Variants in GALNTL6 observed in about 807,000 individuals in gnomAD.
GALNTL6 encodes the protein polypeptide N-acetylgalactosaminyltransferase-like 6.
Under a neutral mutation model 73.7 loss-of-function variants are expected in GALNTL6, and 46 were observed. The ratio of observed to expected loss-of-function variants is 0.62; its 90% CI spans 0.49 to 0.80. The LOEUF is 0.80. GALNTL6 is among the 30% of genes least tolerant of loss of function. GALNTL6 has a pLI of 0.00. For missense variants in GALNTL6, 604 were observed against 755.0 expected (o/e 0.80, Z 2.34); for synonymous variants, 259 against 263.7 (o/e 0.98, Z 0.17).
chr4:172,334,090 C>T (rs559206894), intron 4 of GALNTL6, among the ~76,000 whole-genome samples: 9 of 152,226 alleles, frequency 5.9e-5, no homozygotes, highest in East Asian at 1.9e-4. Context: ...GTATGGGTTA[C>T]GATACCTTGG....
intron 5 of GALNTL6, among the ~76,000 whole-genome samples, chr4:172,640,819 A>G (rs562276678): frequency 6.6e-6 from 1 of 152,220 alleles, no homozygotes; most frequent in Non-Finnish European, 1.5e-5. Flanking sequence ...TGGGGAAGAC[A>G]CAATTCAGGC....
chr4:172,809,481 G>A lies in GALNTL6; in HGVS notation c.674G>A (p.Gly225Glu). The stretch of plus-strand genomic sequence containing the variant: ...CTCCTGGGGGCATCTATGGCCAGAG[G>A]AGAAGTCCTGACATTCCTGGACTCC... ...TRLLGASMAR[G>E]EVLTFLDSHC... The change falls in exon 6 of 13, where the codon GGA becomes GAA. Residue 225 changes from glycine (G) to glutamate (E), a missense_variant. By Grantham distance (98) the Gly-to-Glu change is moderately conservative (BLOSUM62 -2). This residue lies in a region of GALNTL6 where 179 missense variants were observed against 230.8 expected (regional missense o/e 0.78). Transcript: ENST00000506823. This position sits in a 1 kb window ranked among gnomAD's most constrained non-coding sequence, Gnocchi z 4.4. The A allele has an allele frequency of 6.2e-7, 1 of 1,613,872 alleles. No homozygotes were observed. Among genetic ancestry groups the A allele is most frequent in the Non-Finnish European group, 8.5e-7 (1 of 1,179,858 alleles).
intron 4 of GALNTL6, among the ~76,000 whole-genome samples, chr4:172,338,634 A>G (rs574214874): frequency 1.3e-5 from 2 of 152,322 alleles, no homozygotes; most frequent in South Asian, 4.1e-4. Flanking sequence ...GCTGTGGCCA[A>G]TGTGGCTGGG....
chr4:171,990,017 T>C (rs920269212), intron 2 of GALNTL6, among the ~76,000 whole-genome samples: 1 of 152,094 alleles, frequency 6.6e-6, no homozygotes, highest in African/African-American at 2.4e-5. Flanking sequence ...AACAGTAAGC[T>C]GGACCAGGTG....
intron 12 of GALNTL6, among the ~76,000 whole-genome samples, chr4:173,023,633 G>A (rs1753107446): frequency 6.6e-6 from 1 of 151,950 alleles, no homozygotes; most frequent in Non-Finnish European, 1.5e-5. Context: ...CTGCACTCCA[G>A]CCTGGGCGAC....
intron 5 of GALNTL6, among the ~76,000 whole-genome samples, chr4:172,468,801 T>C (rs1025300895): frequency 6.6e-6 from 1 of 152,172 alleles, no homozygotes; most frequent in Non-Finnish European, 1.5e-5. Flanking sequence ...ATGGTCTTGG[T>C]ATTTGTGCAA....
At chr4:172,102,639 C>T (rs2110963120) in intron 2 of GALNTL6, among the ~76,000 whole-genome samples, 1 of 152,306 alleles carries the variant, frequency 6.6e-6, no homozygotes, top group African/African-American at 2.4e-5. Context: ...TGCCATGTGT[C>T]AGCTAAAGCA....
intron 5 of GALNTL6, among the ~76,000 whole-genome samples, chr4:172,574,225 G>A (rs1254720657): frequency 6.6e-6 from 1 of 152,002 alleles, no homozygotes; most frequent in African/African-American, 2.4e-5. Context: ...AAACACAAAA[G>A]CAACTAATGC....
chr4:172,446,390 G>A (rs975318901), intron 5 of GALNTL6, among the ~76,000 whole-genome samples: 1 of 152,038 alleles, frequency 6.6e-6, no homozygotes, highest in South Asian at 2.1e-4. Context: ...CAGACAAGAG[G>A]CATTTGAAAC....
intron 5 of GALNTL6, among the ~76,000 whole-genome samples, chr4:172,448,007 T>G (rs746912450): frequency 2.0e-4 from 30 of 152,206 alleles, no homozygotes; most frequent in Non-Finnish European, 4.3e-4. Context: ...CAAGGTAGGA[T>G]TTAAAAATTG....
intron 5 of GALNTL6, among the ~76,000 whole-genome samples, chr4:172,623,564 A>G (rs1408314816): frequency 6.6e-6 from 1 of 152,160 alleles, no homozygotes; most frequent in Non-Finnish European, 1.5e-5. Flanking sequence ...TACCTACTAA[A>G]AAGAACCAAG....
chr4:172,149,090 A>C (rs1275713238), intron 2 of GALNTL6, among the ~76,000 whole-genome samples: 1 of 152,250 alleles, frequency 6.6e-6, no homozygotes, highest in East Asian at 1.9e-4. Flanking sequence ...AGAAAGCATC[A>C]GTTTATATTA....
chr4:172,621,014 C>G (rs1404433791), intron 5 of GALNTL6, among the ~76,000 whole-genome samples: 1 of 152,046 alleles, frequency 6.6e-6, no homozygotes, highest in African/African-American at 2.4e-5. Flanking sequence ...AATAAGATGC[C>G]CTCTGTCAGG....
intron 5 of GALNTL6, among the ~76,000 whole-genome samples, chr4:172,395,787 T>C (rs1356624189): frequency 6.6e-6 from 1 of 152,152 alleles, no homozygotes; most frequent in Non-Finnish European, 1.5e-5. Flanking sequence ...CAAAAATTAG[T>C]TTCAAAAATT....
intron 2 of GALNTL6, among the ~76,000 whole-genome samples, chr4:171,982,339 C>T (rs996400860): frequency 5.9e-5 from 9 of 152,196 alleles, no homozygotes; most frequent in Non-Finnish European, 1.2e-4. Context: ...GCTCTGTCAC[C>T]CAGGCTGGAG....
chr4:172,053,813 G>C (rs1251513725), intron 2 of GALNTL6, among the ~76,000 whole-genome samples: 1 of 151,884 alleles, frequency 6.6e-6, no homozygotes, highest in East Asian at 1.9e-4. Flanking sequence ...TTTTTTACAT[G>C]AATGGGTCCC....
intron 9 of GALNTL6, among the ~76,000 whole-genome samples, chr4:172,949,557 T>A (rs1182035815): frequency 2.0e-5 from 3 of 152,192 alleles, no homozygotes; most frequent in African/African-American, 7.2e-5. Flanking sequence ...CTAAAATCAA[T>A]TTTGAATATA....
chr4:172,146,660 G>A (rs542295465), intron 2 of GALNTL6, among the ~76,000 whole-genome samples: 3 of 152,128 alleles, frequency 2.0e-5, no homozygotes, highest in South Asian at 2.1e-4. Context: ...TATAATGATC[G>A]GTATGGTTTA....
At chr4:172,977,022 T>C (rs767293771) in intron 10 of GALNTL6, among the ~76,000 whole-genome samples, 1 of 152,216 alleles carries the variant, frequency 6.6e-6, no homozygotes. Flanking sequence ...GAAACCTCTT[T>C]ATTGATTTTG....
Sources: gnomAD v4.1 joint callset for allele counts (sites outside exome capture counted in the v4.1 genomes callset) on GRCh38, gnomAD v4.1.1 for gene constraint, gnomAD v4.1.1 regional missense constraint, Gnocchi (gnomAD v3.1) non-coding constraint, MANE v1.5 for transcripts, NCBI Gene and HGNC (gene_info 2026-07-23, HGNC 2026-07-21) for gene names.